Variants in HAVCR2 observed in about 807,000 individuals in gnomAD.
HAVCR2 encodes the protein hepatitis A virus cellular receptor 2.
HAVCR2 carries 13 observed loss-of-function variants against 24.7 expected under a neutral mutation model. The ratio of observed to expected loss-of-function variants is 0.53; its 90% CI spans 0.34 to 0.84. HAVCR2 has a LOEUF of 0.84. Ranked by LOEUF, HAVCR2 falls within the 40% of genes least tolerant of loss-of-function variation. The pLI is 0.01. For synonymous variants in HAVCR2, 154 were observed against 143.4 expected (o/e 1.07, Z -0.53); for missense variants, 343 against 371.2 (o/e 0.92, Z 0.62).
intron 3 of HAVCR2, among the ~76,000 whole-genome samples, chr5:157,099,538 G>A (rs763641744): frequency 6.6e-6 from 1 of 151,134 alleles, no homozygotes; most frequent in Non-Finnish European, 1.5e-5. Context: ...AGGTGTGAAC[G>A]ACCAGGCTTG....
chr5:157,093,933 A>C (rs1358946855), intron 5 of HAVCR2, among the ~76,000 whole-genome samples: 4 of 152,170 alleles, frequency 2.6e-5, no homozygotes, highest in South Asian at 4.1e-4. Flanking sequence ...TCTCCAAAAA[A>C]ACAAAAGTGT....
chr5:157,086,968 T>G lies in HAVCR2; in HGVS notation c.*134A>C. 3 of 717,320 alleles carry G rather than the reference T, an allele frequency of 4.2e-6. No individual in the cohort carries two copies. The highest frequency in any genetic ancestry group is 6.9e-6 in the Non-Finnish European group (3 of 435,238). 44.4% of individuals were successfully genotyped at this position (717,320 alleles called of 1,614,324 possible). ...TGCAGGTCCCAGTTCAATTCCCATG[T>G]GAGTCATTATCTTCTGAAAATGGGA... is the stretch of plus-strand genomic sequence containing the variant. On this transcript the variant is annotated 3_prime_UTR_variant, in exon 7 of 7. Transcript: ENST00000307851.
chr5:157,093,664 T>C (rs1321645388), intron 5 of HAVCR2, among the ~76,000 whole-genome samples: 3 of 152,052 alleles, frequency 2.0e-5, no homozygotes, highest in Admixed American at 1.3e-4. Context: ...AGTGTGTGAG[T>C]GGCCAGGCAC....
intron 5 of HAVCR2, 124 bp downstream of exon 5, chr5:157,095,182 G>T: frequency 9.9e-7 from 1 of 1,010,002 alleles, no homozygotes; most frequent in Non-Finnish European, 1.4e-6. Flanking sequence ...GATTTGGATG[G>T]ACAAAAGGGT....
chr5:157,103,744 C>T (rs1757204985), intron 3 of HAVCR2, among the ~76,000 whole-genome samples: 1 of 152,154 alleles, frequency 6.6e-6, no homozygotes. Context: ...TGGAATTATC[C>T]TCATTGTAGA....
At position 157,088,912 on chromosome 5, in the gene HAVCR2, T is replaced by G. The variant is rs777871604; in HGVS notation, c.713+29A>C. 4 of 1,595,650 alleles carry G rather than the reference T, an allele frequency of 2.5e-6. No individual in the cohort carries two copies. In the Admixed American group the frequency reaches 6.8e-5, roughly 27 times the overall value. On this transcript the variant is annotated intron_variant, in intron 6 of 6. Coordinates refer to ENST00000307851, the MANE Select transcript of HAVCR2 (RefSeq NM_032782.5). ...AGTAGGGACTTCCAAGATTCTCACCTTTTCCCAACCCCATTCCATTATTCT... is the reference window on the plus strand; with the variant it reads ...AGTAGGGACTTCCAAGATTCTCACCGTTTCCCAACCCCATTCCATTATTCT...
chr5:157,088,207 G>A (rs1013697725), intron 6 of HAVCR2, among the ~76,000 whole-genome samples: 2 of 152,242 alleles, frequency 1.3e-5, no homozygotes, highest in African/African-American at 4.8e-5. Context: ...ACAGCACCTA[G>A]CCCAGAATCA....
intron 5 of HAVCR2, among the ~76,000 whole-genome samples, chr5:157,093,100 TAC>T (rs1301032218): frequency 9.1e-4 from 120 of 131,966 alleles, no homozygotes; most frequent in African/African-American, 4.3e-3. Context: ...TATATGTGTA[TAC>T]ATATATATAC....
chr5:157,092,235 C>G (rs1757014643), intron 5 of HAVCR2, among the ~76,000 whole-genome samples: 1 of 150,568 alleles, frequency 6.6e-6, no homozygotes, highest in Non-Finnish European at 1.5e-5. Flanking sequence ...TACTTTGAGC[C>G]ATGGCAGAAG....
At chr5:157,104,632 TA>T in intron 3 of HAVCR2, 33 bp downstream of exon 3, 2 of 1,457,680 alleles carry the variant, frequency 1.4e-6, no homozygotes, top group Non-Finnish European at 1.9e-6. Context: ...CAGAGCCAGC[TA>T]AAGATTCCCT....
rs869260432 is a variant in HAVCR2, at chr5:157,101,941, A to ATT, written c.478+2723_478+2724dup. Among the ~76,000 whole-genome samples, 395 of 82,852 alleles carry ATT rather than the reference A, an allele frequency of 4.8e-3. 1 individual carries two copies. The highest frequency in any genetic ancestry group is 8.0e-3 in the South Asian group (19 of 2,388). The allele number at this position is 82,852 out of a possible 152,430, so 54.4% of individuals were successfully genotyped here. A position where few individuals can be genotyped will look rare whatever the true frequency, so the allele number is the denominator to read the frequency against. On this transcript the variant is annotated intron_variant, in intron 3 of 6. Transcript: ENST00000307851. ...CAGGCACATGCCACCATGCCCGGCT[A>ATT]TTTTTTTTTTTTTTTTTTTTTTTGG...
intron 3 of HAVCR2, among the ~76,000 whole-genome samples, chr5:157,104,084 A>G (rs1423948647): frequency 1.3e-5 from 2 of 152,212 alleles, no homozygotes; most frequent in Non-Finnish European, 2.9e-5. Context: ...AGAAGAGACC[A>G]GGACACTGAC....
Position 157,106,861 on chromosome 5 carries a change from C to A in HAVCR2, c.160G>T (p.Gly54Cys), listed in dbSNP as rs1228657999. 9 of 1,614,170 alleles carry A rather than the reference C, an allele frequency of 5.6e-6. No individual in the cohort carries two copies. Among genetic ancestry groups the A allele is most frequent in the African/African-American group, 1.3e-5 (1 of 75,024 alleles). Residue 54 changes from glycine (G) to cysteine (C), a missense_variant, in exon 2 of 7, where the codon GGC becomes TGC. Transcript: ENST00000307851. ...TCAAACACAGGACAGGCTCCTTTGC[C>A]CCAGCAGACGGGCACGAGGTTCCCT... ...APGNLVPVCW[G>C]KGACPVFECG...
At chr5:157,095,162 T>G in intron 5 of HAVCR2, 144 bp downstream of exon 5, 3 of 790,192 alleles carry the variant, frequency 3.8e-6, no homozygotes, top group East Asian at 2.7e-5. Context: ...AAATTAGCCA[T>G]TATTGTTAGG....
At chr5:157,093,342 G>A (rs1757040137) in intron 5 of HAVCR2, among the ~76,000 whole-genome samples, 1 of 152,032 alleles carries the variant, frequency 6.6e-6, no homozygotes, top group African/African-American at 2.4e-5. Flanking sequence ...TTCTCCATTA[G>A]AAACATATTA....
rs758599643 is a variant in HAVCR2, at chr5:157,106,712, T to A, written c.309A>T (p.Ala103=). The change falls in exon 2 of 7, where the codon GCA becomes GCT. Residue 103 remains alanine (A), a synonymous_variant. Coordinates refer to ENST00000307851, the MANE Select transcript of HAVCR2 (RefSeq NM_032782.5). ...VSLTIENVTL[A]DSGIYCCRIQ... is the part of the protein sequence containing the mutation. ...TCCGGCAGCAGTAGATCCCACTGTC[T>A]GCTAGAGTCACATTCTCTATGGTCA... is the stretch of plus-strand genomic sequence containing the variant. The A allele has an allele frequency of 1.9e-6, 3 of 1,614,154 alleles. No homozygotes were observed.
intron 5 of HAVCR2, 117 bp from the exon 6 acceptor site, chr5:157,089,094 T>C (rs949286038): frequency 3.2e-5 from 26 of 809,840 alleles, no homozygotes; most frequent in Admixed American, 2.6e-5. Context: ...TCATCTCAGA[T>C]TGAGTTAAAT....
intron 3 of HAVCR2, among the ~76,000 whole-genome samples, chr5:157,103,552 G>A (rs1757202270): frequency 6.6e-6 from 1 of 152,046 alleles, no homozygotes. Context: ...CTCTCTAATT[G>A]CATAAAAGAT....
chr5:157,088,469 G>T (rs1321738984), intron 6 of HAVCR2, among the ~76,000 whole-genome samples: 4 of 152,162 alleles, frequency 2.6e-5, no homozygotes, highest in Non-Finnish European at 4.4e-5. Flanking sequence ...TGATTCAGTT[G>T]CTCTGGGGTT....
Sources: allele counts gnomAD v4.1 joint callset (sites outside exome capture counted in the v4.1 genomes callset), GRCh38; gene constraint gnomAD v4.1.1; transcripts MANE v1.5; gene names NCBI Gene and HGNC (gene_info 2026-07-23, HGNC 2026-07-21).